IP6K2: variants seen among roughly 807,000 people sequenced by gnomAD.
IP6K2 encodes inositol hexakisphosphate kinase 2.
In IP6K2, 9 loss-of-function variants were observed where a neutral mutation model predicts 43.3. The ratio of observed to expected loss-of-function variants is 0.21; its 90% CI spans 0.13 to 0.36. The LOEUF is 0.36. IP6K2 is among the 10% of genes least tolerant of loss of function. The pLI, the probability that IP6K2 is intolerant of heterozygous loss-of-function variation, is 1.00. For missense variants in IP6K2, 332 were observed against 538.4 expected (o/e 0.62, Z 3.79); for synonymous variants, 209 against 202.4 (o/e 1.03, Z -0.28).
At chr3:48,694,687 G>GGA in intron 2 of IP6K2, 1 of 1,505,940 alleles carries the variant, frequency 6.6e-7, no homozygotes, top group South Asian at 1.3e-5. Flanking sequence ...GCTGCTCCCC[G>GGA]GCCTACCTAA....
chr3:48,690,811 AAGAG>A (rs1051324617), intron 4 of IP6K2, among the ~76,000 whole-genome samples: 13 of 149,316 alleles, frequency 8.7e-5, no homozygotes, highest in Non-Finnish European at 1.6e-4. Flanking sequence ...AAAGAAAAAA[AAGAG>A]AGAGAGAGGA....
intron 1 of IP6K2, among the ~76,000 whole-genome samples, chr3:48,707,469 T>C (rs1403790763): frequency 1.3e-5 from 2 of 152,188 alleles, no homozygotes; most frequent in Non-Finnish European, 2.9e-5. Context: ...AGTTTCGCTC[T>C]TGTTGCCCAG....
chr3:48,705,904 T>C (rs1013535859), intron 1 of IP6K2, among the ~76,000 whole-genome samples: 4 of 83,460 alleles, frequency 4.8e-5, no homozygotes, highest in Non-Finnish European at 1.0e-4. Flanking sequence ...TAAAATAAAA[T>C]AAAATAAAAA....
chr3:48,693,198 C>T lies in IP6K2; in HGVS notation c.203-19G>A. On this transcript the variant is annotated intron_variant, in intron 2 of 5. Transcript: ENST00000328631. ...ACCACACCTGGAAGGGGGTGAGGAG[C>T]AGAAAGAACTTTTAATTTAGCAGGA... The T allele has an allele frequency of 3.8e-6, 6 of 1,588,196 alleles. No homozygotes were observed. Among genetic ancestry groups the T allele is most frequent in the African/African-American group, 1.3e-5 (1 of 74,374 alleles).
At chr3:48,700,084 C>A (rs1466005278) in intron 1 of IP6K2, among the ~76,000 whole-genome samples, 1 of 152,086 alleles carries the variant, frequency 6.6e-6, no homozygotes, top group African/African-American at 2.4e-5. Context: ...GCTTTTTGAT[C>A]CTTTTGTTTT....
chr3:48,688,233 GAC>G lies in IP6K2; in HGVS notation c.*38_*39del, dbSNP rs1370524043. ...CCTGACGCAGCACAGCTGTGCCTGGGACACAGAGTCGCTCTCAAGTACTGGAG... is the reference window on the plus strand; with the variant it reads ...CCTGACGCAGCACAGCTGTGCCTGGGACAGAGTCGCTCTCAAGTACTGGAG... On this transcript the variant is annotated 3_prime_UTR_variant, in exon 6 of 6. Coordinates refer to ENST00000328631, the MANE Select transcript of IP6K2 (RefSeq NM_016291.4). The surrounding 1 kb of genome is among the most constrained non-coding windows in gnomAD (Gnocchi z 5.1). 6 of 1,598,282 alleles carry G rather than the reference GAC, an allele frequency of 3.8e-6. No homozygotes were observed. In the East Asian group the frequency reaches 1.1e-4, roughly 30 times the overall value.
At chr3:48,692,568 G>A (rs1411846298) in intron 3 of IP6K2, among the ~76,000 whole-genome samples, 3 of 152,218 alleles carry the variant, frequency 2.0e-5, no homozygotes, top group African/African-American at 7.2e-5. Flanking sequence ...AGGGTAGGAT[G>A]GCCCTGCTTA....
In IP6K2 at chr3:48,689,627, C is replaced by T. The variant is rs1323656033; in HGVS notation, c.691G>A (p.Asp231Asn). Residue 231 changes from aspartate (D) to asparagine (N), a missense_variant, in exon 5 of 6, where the codon GAT (aspartate) becomes AAT (asparagine). Physicochemically the swap from Asp to Asn is conservative, Grantham distance 23. Coordinates refer to ENST00000328631, the MANE Select transcript of IP6K2 (RefSeq NM_016291.4). ...LKMGTRQHGD[D>N]ASEEKAANQI... ...TTGGCTGCCTTCTCCTCTGAAGCAT[C>T]ATCACCATGTTGTCGTGTGCCCATC... The T allele has an allele frequency of 1.8e-5, 29 of 1,614,110 alleles. No homozygotes were observed. The highest frequency in any genetic ancestry group is 2.3e-5 in the Non-Finnish European group (27 of 1,180,044).
intron 3 of IP6K2, 71 bp downstream of exon 3, chr3:48,692,883 C>T: frequency 8.9e-7 from 1 of 1,126,160 alleles, no homozygotes; most frequent in Non-Finnish European, 1.3e-6. Flanking sequence ...CTCCAGGGAA[C>T]TGGGCTGTAA....
chr3:48,702,459 T>C (rs1272681821), intron 1 of IP6K2, among the ~76,000 whole-genome samples: 2 of 151,354 alleles, frequency 1.3e-5, no homozygotes, highest in Non-Finnish European at 2.9e-5. Flanking sequence ...CTTTTTTTTT[T>C]TGAGATAGAG....
intron 1 of IP6K2, among the ~76,000 whole-genome samples, chr3:48,702,445 C>A (rs908863513): frequency 6.7e-6 from 1 of 150,252 alleles, no homozygotes; most frequent in Non-Finnish European, 1.5e-5. Context: ...AAATGTCACC[C>A]CCCCTTTTTT....
At chr3:48,701,673 G>A (rs1323519807) in intron 1 of IP6K2, among the ~76,000 whole-genome samples, 2 of 150,812 alleles carry the variant, frequency 1.3e-5, no homozygotes, top group Non-Finnish European at 3.0e-5. Context: ...CGAGGCAGGT[G>A]ATCACTTGAG....
Position 48,688,656 on chromosome 3 carries a change from G to A in IP6K2, c.898C>T (p.Arg300Cys). 3 of 1,614,220 alleles carry A rather than the reference G, an allele frequency of 1.9e-6. No homozygotes were observed. The highest frequency in any genetic ancestry group is 2.5e-6 in the Non-Finnish European group (3 of 1,180,042). Reference sequence around the variant, plus strand: ...AGCACAGGGCCCAGGAGTTCACGGCGCAGGTACCGCCCATTGTGGAAGAAC... The same window carrying A: ...AGCACAGGGCCCAGGAGTTCACGGCACAGGTACCGCCCATTGTGGAAGAAC... ...FQFFHNGRYL[R>C]RELLGPVLKK... The change falls in exon 6 of 6, where the codon CGC becomes TGC. Residue 300 changes from arginine (R) to cysteine (C), a missense_variant. Transcript: ENST00000328631. The surrounding 1 kb of genome is among the most constrained non-coding windows in gnomAD (Gnocchi z 5.1).
rs1186224484 is a variant in IP6K2 at position 48,701,960 on chromosome 3, T to C, written c.-130-6539A>G. Among the ~76,000 whole-genome samples the C allele has an allele frequency of 3.9e-5, 6 of 152,086 alleles. No individual in the cohort carries two copies. The East Asian group carries it at 7.7e-4, about 20-fold the overall frequency. ...CCAATAGTTTCTACATACAAACTCA[T>C]TGGCTGAAATTTCCTTTTGCATCCA... is the stretch of plus-strand genomic sequence containing the variant. On this transcript the variant is annotated intron_variant, in intron 1 of 5. Coordinates refer to ENST00000328631, the MANE Select transcript of IP6K2 (RefSeq NM_016291.4).
chr3:48,715,448 G>A (rs1333190278), intron 1 of IP6K2: 2 of 1,535,862 alleles, frequency 1.3e-6, no homozygotes, highest in African/African-American at 2.7e-5. Context: ...GTCAGTGGTT[G>A]CTCCTTCTTT....
chr3:48,705,741 G>A (rs1346991122), intron 1 of IP6K2, among the ~76,000 whole-genome samples: 1 of 151,584 alleles, frequency 6.6e-6, no homozygotes, highest in Non-Finnish European at 1.5e-5. Flanking sequence ...GGTGGCTCAC[G>A]CCTGTTATCC....
chr3:48,694,172 ACAGGGGAAAGGAC>A, intron 2 of IP6K2: 1 of 1,550,104 alleles, frequency 6.5e-7, no homozygotes, highest in African/African-American at 1.4e-5. Flanking sequence ...CCCTGTGGCC[ACAGGGGAAAGGAC>A]CAGGGGAAAA....
chr3:48,690,878 C>G (rs570739046), intron 4 of IP6K2, among the ~76,000 whole-genome samples: 1 of 152,142 alleles, frequency 6.6e-6, no homozygotes, highest in Non-Finnish European at 1.5e-5. Context: ...AGCTCATGTC[C>G]CAGTGGTGGT....
chr3:48,690,255 AC>A (rs1431247921), intron 4 of IP6K2, among the ~76,000 whole-genome samples: 1 of 152,254 alleles, frequency 6.6e-6, no homozygotes, highest in Non-Finnish European at 1.5e-5. Context: ...AGTGCTCCCA[AC>A]AGCAGAAACT....
Sources: gnomAD v4.1 joint callset for allele counts (sites outside exome capture counted in the v4.1 genomes callset) on GRCh38, gnomAD v4.1.1 for gene constraint, Gnocchi (gnomAD v3.1) non-coding constraint, MANE v1.5 for transcripts, NCBI Gene and HGNC (gene_info 2026-07-23, HGNC 2026-07-21) for gene names.